ARHGEF4: variants seen among roughly 807,000 people sequenced by gnomAD.
The protein encoded by ARHGEF4 is Rho guanine nucleotide exchange factor 4, also known as APC-stimulated guanine nucleotide exchange factor 1.
ARHGEF4 carries 119 observed loss-of-function variants against 162.0 expected under a neutral mutation model. The ratio of observed to expected loss-of-function variants is 0.73; its 90% confidence interval spans 0.63 to 0.86. The LOEUF (loss-of-function observed/expected upper bound fraction) is 0.86, where lower values mean the gene tolerates loss of function less well. Ranked by LOEUF, ARHGEF4 falls within the 40% of genes least tolerant of loss-of-function variation. The pLI is 0.00. For synonymous variants in ARHGEF4, 1,014 were observed against 979.9 expected (o/e 1.03, Z -0.65); for missense variants, 2,488 against 2,456.0 (o/e 1.01, Z -0.28).
At chr2:130,867,225 AAT>A (rs1682343461) in intron 1 of ARHGEF4, among the ~76,000 whole-genome samples, 1 of 151,206 alleles carries the variant, frequency 6.6e-6, no homozygotes, top group African/African-American at 2.4e-5. Context: ...GGCTCCTTTT[AAT>A]ATATTATTAT....
intron 1 of ARHGEF4, among the ~76,000 whole-genome samples, chr2:130,876,614 G>T (rs933331405): frequency 1.3e-5 from 2 of 152,196 alleles, no homozygotes; most frequent in East Asian, 3.9e-4. Flanking sequence ...GGATGGTCTC[G>T]ATCTCCTGAC....
chr2:130,946,849 T>C, intron 4 of ARHGEF4: 1 of 511,560 alleles, frequency 2.0e-6, no homozygotes. Flanking sequence ...ATGCCTGTAA[T>C]CCCAGCACTT....
intron 1 of ARHGEF4, among the ~76,000 whole-genome samples, chr2:130,908,792 C>T (rs527534596): frequency 6.6e-6 from 1 of 152,018 alleles, no homozygotes; most frequent in African/African-American, 2.4e-5. Flanking sequence ...ATATATCTGA[C>T]AAAAGACTTA....
chr2:131,028,226 G>C, intron 5 of ARHGEF4, 142 bp downstream of exon 5: 1 of 1,238,106 alleles, frequency 8.1e-7, no homozygotes, highest in Non-Finnish European at 1.1e-6. Context: ...CGCAGTTTCA[G>C]CCTGCAGTCC....
At chr2:131,006,300 A>T (rs1237219002) in intron 4 of ARHGEF4, among the ~76,000 whole-genome samples, 4 of 152,218 alleles carry the variant, frequency 2.6e-5, no homozygotes, top group African/African-American at 9.6e-5. Context: ...CAGAGAACCC[A>T]CTGAGCCACA....
intron 4 of ARHGEF4, among the ~76,000 whole-genome samples, chr2:131,001,302 C>CAAAAAA (rs70994730): frequency 6.4e-5 from 2 of 31,154 alleles, no homozygotes; most frequent in African/African-American, 9.9e-5. Context: ...GACTGTGTCT[C>CAAAAAA]AAAAAAAAAA....
At chr2:131,010,766 A>G (rs935638256) in intron 4 of ARHGEF4, among the ~76,000 whole-genome samples, 1 of 152,226 alleles carries the variant, frequency 6.6e-6, no homozygotes, top group Non-Finnish European at 1.5e-5. Context: ...TGGGTGAGGC[A>G]GAGCAAGTGT....
chr2:131,043,420 G>A lies in ARHGEF4; in HGVS notation c.5026-32G>A, dbSNP rs777654595. On this transcript the variant is annotated intron_variant, in intron 10 of 13. Coordinates refer to ENST00000409359, the MANE Select transcript of ARHGEF4 (RefSeq NM_001367493.1). ...AAGTGGAGCCCACGGTTGGGTATGC[G>A]AGGCTCATGGTTCTCCTTGGGATCT... 3.5e-5 allele frequency: 56 copies of A among 1,612,670 alleles called. 1 individual carries two copies. The South Asian group carries it at 4.6e-4, about 13-fold the overall frequency.
intron 4 of ARHGEF4, among the ~76,000 whole-genome samples, chr2:130,971,371 T>A (rs1183606563): frequency 1.3e-5 from 2 of 152,176 alleles, no homozygotes; most frequent in East Asian, 3.8e-4. Context: ...AACCAACTTG[T>A]CAATATCAGT....
chr2:130,921,751 G>A (rs955777638), intron 2 of ARHGEF4, among the ~76,000 whole-genome samples: 4 of 152,076 alleles, frequency 2.6e-5, no homozygotes, highest in African/African-American at 9.7e-5. Context: ...GAGTGCAGTG[G>A]TGCGATCTCA....
intron 4 of ARHGEF4, among the ~76,000 whole-genome samples, chr2:130,992,270 A>G (rs1472319096): frequency 6.6e-6 from 1 of 152,148 alleles, no homozygotes; most frequent in Admixed American, 6.5e-5. Flanking sequence ...TGCCTGCGCT[A>G]GCACTGGCAA....
chr2:130,916,410 C>T lies in ARHGEF4; in HGVS notation c.2464C>T (p.Arg822Cys), dbSNP rs1402244411. The change falls in exon 2 of 14, where the codon CGC becomes TGC. Residue 822 changes from arginine to cysteine, a missense_variant. Arg to Cys is a radical substitution (Grantham distance 180). Around this residue, in one of 6 missense-constraint regions of ARHGEF4, gnomAD observed 1,642 missense variants for 1,481.5 expected, o/e 1.11. Coordinates refer to ENST00000409359, the MANE Select transcript of ARHGEF4 (RefSeq NM_001367493.1). Reference protein sequence around the residue: ...GGVPAPTTEGRRWGSSGPEGL... With the variant: ...GGVPAPTTEGCRWGSSGPEGL... ...GGTCCCGGCCCCGACCACCGAGGGT[C>T]GCCGCTGGGGCTCTTCAGGCCCCGA... is the stretch of plus-strand genomic sequence containing the variant. 2 of 1,528,870 alleles carry T rather than the reference C, an allele frequency of 1.3e-6. No individual in the cohort carries two copies. The highest frequency in any genetic ancestry group is 1.4e-5 in the African/African-American group (1 of 72,468). The allele number at this position is 1,528,870 out of a possible 1,614,324, so 94.7% of individuals were successfully genotyped here. A position where few individuals can be genotyped will look rare whatever the true frequency, so the allele number is the denominator to read the frequency against.
chr2:130,913,765 T>TG (rs1287390330), intron 1 of ARHGEF4, among the ~76,000 whole-genome samples: 1 of 152,252 alleles, frequency 6.6e-6, no homozygotes. Context: ...GTTTTAAGGA[T>TG]GTGCTGCCTT....
intron 4 of ARHGEF4, among the ~76,000 whole-genome samples, chr2:131,025,813 G>A (rs10169932): frequency 0.84 from 128,020 of 152,128 alleles, 56,599 homozygotes; most frequent in Non-Finnish European, 0.98. Flanking sequence ...AAGAGTCATG[G>A]ATGGGACTCT....
intron 1 of ARHGEF4, among the ~76,000 whole-genome samples, chr2:130,869,643 TAGAG>T (rs1678323437): frequency 1.3e-5 from 2 of 152,182 alleles, no homozygotes; most frequent in South Asian, 2.1e-4. Flanking sequence ...CCTCTGCAGT[TAGAG>T]AGAAGAGAGG....
At chr2:130,900,793 C>T (rs754694379) in intron 1 of ARHGEF4, among the ~76,000 whole-genome samples, 2 of 152,160 alleles carry the variant, frequency 1.3e-5, no homozygotes, top group Admixed American at 1.3e-4. Flanking sequence ...TGTTAAAAGA[C>T]TCTTGACCCT....
intron 13 of ARHGEF4, 189 bp downstream of exon 13, chr2:131,045,635 T>C: frequency 6.5e-7 from 1 of 1,532,764 alleles, no homozygotes; most frequent in Non-Finnish European, 8.8e-7. Context: ...CAGTATATGG[T>C]TGACATTCTT....
At chr2:130,929,369 A>ATC (rs964673887) in intron 2 of ARHGEF4, among the ~76,000 whole-genome samples, 5 of 152,064 alleles carry the variant, frequency 3.3e-5, no homozygotes, top group African/African-American at 1.2e-4. Flanking sequence ...CTCTTCCTCC[A>ATC]TCTCTCTCTC....
At chr2:130,946,755 G>C in intron 4 of ARHGEF4, 120 bp downstream of exon 4, 2 of 1,422,134 alleles carry the variant, frequency 1.4e-6, no homozygotes, top group Non-Finnish European at 1.9e-6. Context: ...AGGTGAGAGA[G>C]ATAAACAATT....
Sources: allele counts gnomAD v4.1 joint callset (sites outside exome capture counted in the v4.1 genomes callset), GRCh38; gene constraint gnomAD v4.1.1; regional missense constraint gnomAD v4.1.1; transcripts MANE v1.5; gene names NCBI Gene and HGNC (gene_info 2026-07-23, HGNC 2026-07-21).